Variants in KCNK12 observed in about 807,000 individuals in gnomAD.
KCNK12 encodes the protein potassium two pore domain channel subfamily K member 12, also known as potassium channel subfamily K member 12.
KCNK12 carries 6 observed loss-of-function variants against 25.3 expected under a neutral mutation model. That is an observed-to-expected ratio of 0.24 (90% CI 0.13 to 0.47). The LOEUF (loss-of-function observed/expected upper bound fraction) is 0.47. Among genes scored for constraint, KCNK12 ranks in the 20% least tolerant of loss-of-function variants. The pLI, the probability that KCNK12 is intolerant of heterozygous loss-of-function variation, is 0.99. For missense variants in KCNK12, 444 were observed against 661.7 expected, an observed-to-expected ratio of 0.67 and a Z score of 3.61; for synonymous variants, 331 against 311.1, an observed-to-expected ratio of 1.06 and a Z score of -0.67.
At chr2:47,524,997 G>A (rs1668738137) in intron 1 of KCNK12, among the ~76,000 whole-genome samples, 1 of 152,126 alleles carries the variant, frequency 6.6e-6, no homozygotes, top group Admixed American at 6.5e-5. Context: ...AAATTCCTAA[G>A]GTAATTGAAA....
rs1669897341 is a variant in KCNK12 at position 47,570,855 on chromosome 2, G to A, written c.-524C>T. On this transcript the variant is annotated 5_prime_UTR_variant, in exon 1 of 2. Coordinates refer to ENST00000327876, the MANE Select transcript of KCNK12 (RefSeq NM_022055.2). ...CTCCTAGGTGCGGGCTGTGCGGGCA[G>A]TCCTGCTCCCGCCCCCGGGGCTGAG... 2.0e-5 allele frequency: 3 copies of A among 152,176 alleles called. No homozygotes were observed. Among genetic ancestry groups the A allele is most frequent in the African/African-American group, 7.2e-5 (3 of 41,430 alleles). The allele number at this position is 152,176 out of a possible 1,614,324, so 9.4% of individuals were successfully genotyped here.
At chr2:47,536,076 C>T (rs1370699142) in intron 1 of KCNK12, among the ~76,000 whole-genome samples, 1 of 152,156 alleles carries the variant, frequency 6.6e-6, no homozygotes, top group African/African-American at 2.4e-5. Flanking sequence ...TGGAAATATT[C>T]TCTCTCCTTT....
intron 1 of KCNK12, among the ~76,000 whole-genome samples, chr2:47,522,325 A>G (rs1433241192): frequency 2.0e-5 from 3 of 152,262 alleles, no homozygotes; most frequent in African/African-American, 7.2e-5. Context: ...CTTCAAAGAT[A>G]TCTAGCTTCT....
At chr2:47,534,515 A>AACCCCCC (rs1558553053) in intron 1 of KCNK12, among the ~76,000 whole-genome samples, 2 of 48,162 alleles carry the variant, frequency 4.2e-5, no homozygotes, top group Non-Finnish European at 7.3e-5. Flanking sequence ...GCCCCTTCTA[A>AACCCCCC]CCCCCCCCCC....
At chr2:47,532,036 G>A (rs1338923179) in intron 1 of KCNK12, among the ~76,000 whole-genome samples, 3 of 151,892 alleles carry the variant, frequency 2.0e-5, no homozygotes, top group South Asian at 2.1e-4. Flanking sequence ...GACAAAGCGC[G>A]ACTCCGTCTC....
Position 47,520,955 on chromosome 2 carries a change from C to T in KCNK12, c.1245G>A (p.Ala415=), listed in dbSNP as rs1573621109. The T allele has an allele frequency of 3.1e-6, 4 of 1,297,538 alleles. No homozygotes were observed. The highest frequency in any genetic ancestry group is 2.2e-5 in the South Asian group (1 of 44,548). 80.4% of individuals were successfully genotyped at this position (1,297,538 alleles called of 1,614,324 possible). A position where few individuals can be genotyped will look rare whatever the true frequency, so the allele number is the denominator to read the frequency against. The change falls in exon 2 of 2, where the codon GCG becomes GCA. Residue 415 remains alanine, a synonymous_variant. Transcript: ENST00000327876. This position sits in a 1 kb window ranked among gnomAD's most constrained non-coding sequence, Gnocchi z 5.0. ...CCAGCCGGTTGTTCATGATGCCCAG[C>T]GCGCCCACGCCGCCCGAGAAGCCGT... The part of the protein sequence containing the change: ...RQNGFSGGVG[A]LGIMNNRLAE...
chr2:47,534,334 G>A (rs959613439), intron 1 of KCNK12, among the ~76,000 whole-genome samples: 9 of 151,812 alleles, frequency 5.9e-5, no homozygotes, highest in Middle Eastern at 3.2e-3. Flanking sequence ...TCCTGCCTCC[G>A]GGTAGCTCCC....
Position 47,561,088 on chromosome 2 carries a change from C to T in KCNK12, c.391+8853G>A, listed in dbSNP as rs548436073. 3.9e-4 allele frequency among the ~76,000 whole-genome samples: 59 copies of T among 152,312 alleles called. 2 individuals carry two copies. In the South Asian group the frequency reaches 0.011, roughly 28 times the overall value. ...CTGGACCCACCTCAGAGAAGTGTGG[C>T]GGGACCTGGCCTCAGCCAGCATCTG... On this transcript the variant is annotated intron_variant, in intron 1 of 1. Coordinates refer to ENST00000327876, the MANE Select transcript of KCNK12 (RefSeq NM_022055.2).
At chr2:47,532,758 C>G (rs1489639674) in intron 1 of KCNK12, among the ~76,000 whole-genome samples, 2 of 152,178 alleles carry the variant, frequency 1.3e-5, no homozygotes, top group African/African-American at 2.4e-5. Flanking sequence ...AGCCTAGCAC[C>G]TGGCATTGTG....
Position 47,569,878 on chromosome 2 carries a change from A to G in KCNK12, c.391+63T>C. The stretch of plus-strand genomic sequence containing the variant: ...AGGGACGCGGACCGAGCGGCCGAGC[A>G]GTGGAAAGGGCGGCAGGTGAAAGGC... On this transcript the variant is annotated intron_variant, in intron 1 of 1. Transcript: ENST00000327876. This position sits in a 1 kb window ranked among gnomAD's most constrained non-coding sequence, Gnocchi z 4.1. 2 of 1,242,468 alleles carry G rather than the reference A, an allele frequency of 1.6e-6. No homozygotes were observed. The highest frequency in any genetic ancestry group is 2.1e-6 in the Non-Finnish European group (2 of 970,434). 77.0% of individuals were successfully genotyped at this position (1,242,468 alleles called of 1,614,324 possible). A position where few individuals can be genotyped will look rare whatever the true frequency, so the allele number is the denominator to read the frequency against.
In KCNK12 at chr2:47,566,453, C is replaced by T. The variant is rs1669789552; in HGVS notation, c.391+3488G>A. ...ACACGTGCACACACACATACACACA[C>T]TGGTGCAAAAAAGGGCAGAAAGCAA... On this transcript the variant is annotated intron_variant, in intron 1 of 1. Transcript: ENST00000327876. The surrounding 1 kb of genome is among the most constrained non-coding windows in gnomAD (Gnocchi z 4.1). The T allele has an allele frequency of 6.6e-6, 1 of 152,006 alleles. No homozygotes were observed. The highest frequency in any genetic ancestry group is 2.4e-5 in the African/African-American group (1 of 41,398). 9.4% of individuals were successfully genotyped at this position (152,006 alleles called of 1,614,324 possible). A position where few individuals can be genotyped will look rare whatever the true frequency, so the allele number is the denominator to read the frequency against.
intron 1 of KCNK12, 73 bp from the exon 2 acceptor site, chr2:47,521,881 T>TGGGGGG: frequency 2.5e-4 from 54 of 212,028 alleles, no homozygotes; most frequent in East Asian, 5.7e-4. Flanking sequence ...GTGGGGGGTG[T>TGGGGGG]GGGGGCGGGG....
intron 1 of KCNK12, among the ~76,000 whole-genome samples, chr2:47,539,941 G>C (rs1346934042): frequency 6.6e-6 from 1 of 152,162 alleles, no homozygotes; most frequent in African/African-American, 2.4e-5. Context: ...ACAAGCCCTG[G>C]AGTCAAGGGT....
chr2:47,542,237 G>T (rs1365494557), intron 1 of KCNK12, among the ~76,000 whole-genome samples: 1 of 152,142 alleles, frequency 6.6e-6, no homozygotes, highest in Admixed American at 6.5e-5. Flanking sequence ...CTCCACACCA[G>T]GCTTGGGCCC....
Position 47,532,530 on chromosome 2 carries a change from G to A in KCNK12, c.392-10722C>T, listed in dbSNP as rs376389903. On this transcript the variant is annotated intron_variant, in intron 1 of 1. Transcript: ENST00000327876. ...GCACCCACCACCACACCTGGCAACCGTTCTTTTGTTGCTTTGTCTTTCATT... is the reference window on the plus strand; with the variant it reads ...GCACCCACCACCACACCTGGCAACCATTCTTTTGTTGCTTTGTCTTTCATT... Among the ~76,000 whole-genome samples the A allele has an allele frequency of 7.2e-5, 11 of 152,102 alleles. No homozygotes were observed. In the South Asian group the frequency reaches 1.2e-3, roughly 17 times the overall value.
At chr2:47,567,877 G>A (rs1396491203) in intron 1 of KCNK12, among the ~76,000 whole-genome samples, 1 of 152,152 alleles carries the variant, frequency 6.6e-6, no homozygotes, top group Non-Finnish European at 1.5e-5. Flanking sequence ...CTAAAGGCTG[G>A]GGCATGGAAC....
intron 1 of KCNK12, among the ~76,000 whole-genome samples, chr2:47,553,483 G>A (rs982956563): frequency 1.3e-5 from 2 of 152,150 alleles, no homozygotes; most frequent in Non-Finnish European, 2.9e-5. Flanking sequence ...GATAAAGTGA[G>A]GGGACAGTTG....
intron 1 of KCNK12, among the ~76,000 whole-genome samples, chr2:47,531,442 C>T (rs1668926787): frequency 1.3e-5 from 2 of 151,742 alleles, no homozygotes; most frequent in Non-Finnish European, 2.9e-5. Flanking sequence ...CCTTGCACTC[C>T]AGCCTGGGTG....
Position 47,570,152 on chromosome 2 carries a change from G to C in KCNK12, c.180C>G (p.Leu60=), listed in dbSNP as rs774836809. ...GCGCCTCCGCCTCGCCGGGGCTCTC[G>C]AGCGCCGAGAAGACTGTGGCACCCG... is the stretch of plus-strand genomic sequence containing the variant. ...LVAGATVFSA[L]ESPGEAEARA... Residue 60 remains leucine (L), a synonymous_variant, in exon 1 of 2, where the codon CTC becomes CTG. Coordinates refer to ENST00000327876, the MANE Select transcript of KCNK12 (RefSeq NM_022055.2). The C allele has an allele frequency of 4.8e-6, 7 of 1,468,202 alleles. 1 individual carries two copies. In the South Asian group the frequency reaches 6.4e-5, roughly 14 times the overall value. 90.9% of individuals were successfully genotyped at this position (1,468,202 alleles called of 1,614,324 possible).
Sources: allele counts gnomAD v4.1 joint callset (sites outside exome capture counted in the v4.1 genomes callset), GRCh38; gene constraint gnomAD v4.1.1; non-coding constraint Gnocchi (gnomAD v3.1); transcripts MANE v1.5; gene names NCBI Gene and HGNC (gene_info 2026-07-23, HGNC 2026-07-21).